Variants in ANKRD17 observed in about 807,000 individuals in gnomAD.
ANKRD17 encodes ankyrin repeat domain 17.
Under a neutral mutation model 229.7 loss-of-function variants are expected in ANKRD17, and 19 were observed. The observed-to-expected ratio is 0.08, with a 90% CI of 0.06 to 0.12. The LOEUF is 0.12. Ranked by LOEUF, ANKRD17 falls within the 10% of genes least tolerant of loss-of-function variation. ANKRD17 has a pLI of 1.00. For missense variants in ANKRD17, 2,176 were observed against 3,176.8 expected (o/e 0.68, Z 7.57); for synonymous variants, 1,112 against 1,146.1 (o/e 0.97, Z 0.60).
Position 73,091,254 on chromosome 4 carries a change from T to G in ANKRD17, c.6374A>C (p.Gln2125Pro). The change falls in exon 29 of 34, where the codon CAG (glutamine) becomes CCG (proline). Residue 2125 changes from glutamine to proline, a missense_variant. Physicochemically the swap from Gln to Pro is moderately conservative, Grantham distance 76. Transcript: ENST00000358602. ...AACTTCCGGGGGAGGAACCTGAGACTGCTGAAGAGGTGGTCTTGGTTCCTG... is the reference window on the plus strand; with the variant it reads ...AACTTCCGGGGGAGGAACCTGAGACGGCTGAAGAGGTGGTCTTGGTTCCTG... ...VSQEPRPPLQ[Q>P]SQVPPPEVRM... is the part of the protein sequence containing the mutation. The G allele has an allele frequency of 6.2e-7, 1 of 1,614,250 alleles. No individual in the cohort carries two copies. The highest frequency in any genetic ancestry group is 8.5e-7 in the Non-Finnish European group (1 of 1,180,036).
intron 1 of ANKRD17, among the ~76,000 whole-genome samples, chr4:73,218,193 A>G (rs147105104): frequency 6.6e-6 from 1 of 152,366 alleles, no homozygotes; most frequent in Non-Finnish European, 1.5e-5. Flanking sequence ...AAAGAAAAAT[A>G]TCTGCTTACT....
At chr4:73,257,895 A>G (rs1399918879) in intron 1 of ANKRD17, among the ~76,000 whole-genome samples, 1 of 148,536 alleles carries the variant, frequency 6.7e-6, no homozygotes, top group East Asian at 2.0e-4. Context: ...CCATTATTTT[A>G]CTCCTCCCGC....
rs566076211 is a variant in ANKRD17, at chr4:73,236,902, G to GC, written c.393+21373dup. On this transcript the variant is annotated intron_variant, in intron 1 of 33. Transcript: ENST00000358602. ...CACAGTGTTAAAGCAGGATTCAAAAGCAAGTGGCTCAACTTGATTTCAAAC... is the reference window on the plus strand; with the variant it reads ...CACAGTGTTAAAGCAGGATTCAAAAGCCAAGTGGCTCAACTTGATTTCAAAC... 3.5e-4 allele frequency among the ~76,000 whole-genome samples: 53 copies of GC among 152,282 alleles called. 2 individuals are homozygous for GC. In the South Asian group the frequency reaches 0.011, roughly 31 times the overall value.
chr4:73,180,070 AAT>A (rs1419537907), intron 1 of ANKRD17, among the ~76,000 whole-genome samples: 1 of 152,156 alleles, frequency 6.6e-6, no homozygotes, highest in African/African-American at 2.4e-5. Context: ...AGGTAAAATG[AAT>A]AGATGAAATA....
In ANKRD17 at chr4:73,258,272, T is replaced by G; in HGVS notation, c.393+4A>C. Reference sequence around the variant, plus strand: ...CCCTCCTTCCTTTGAAACCAGGCCCTTGCCTCAGAAACCTCCTCTTCCTCG... The same window carrying G: ...CCCTCCTTCCTTTGAAACCAGGCCCGTGCCTCAGAAACCTCCTCTTCCTCG... On this transcript the variant is annotated splice_donor_region_variant and intron_variant, in intron 1 of 33. Transcript: ENST00000358602. 6.2e-7 allele frequency: 1 copy of G among 1,613,696 alleles called. No individual in the cohort carries two copies. The highest frequency in any genetic ancestry group is 1.3e-5 in the African/African-American group (1 of 75,042).
At chr4:73,173,516 T>G (rs1347601159) in intron 2 of ANKRD17, among the ~76,000 whole-genome samples, 1 of 152,086 alleles carries the variant, frequency 6.6e-6, no homozygotes, top group Non-Finnish European at 1.5e-5. Flanking sequence ...CACCACAAAC[T>G]CCGGCTCTAA....
chr4:73,231,200 AG>A (rs1743009135), intron 1 of ANKRD17, among the ~76,000 whole-genome samples: 1 of 152,302 alleles, frequency 6.6e-6, no homozygotes, highest in South Asian at 2.1e-4. Context: ...TTAAATTACA[AG>A]AAAAAGCTTA....
intron 1 of ANKRD17, among the ~76,000 whole-genome samples, chr4:73,210,108 T>C (rs569984386): frequency 6.6e-6 from 1 of 152,026 alleles, no homozygotes; most frequent in South Asian, 2.1e-4. Flanking sequence ...AGGTAGAATA[T>C]TGAAAATAAG....
At chr4:73,208,294 T>TA (rs1739787531) in intron 1 of ANKRD17, among the ~76,000 whole-genome samples, 1 of 149,688 alleles carries the variant, frequency 6.7e-6, no homozygotes, top group Non-Finnish European at 1.5e-5. Flanking sequence ...CTAATGCCCA[T>TA]AAAAAACTCA....
rs375570690 is a variant in ANKRD17, at chr4:73,155,794, T to G, written c.853-16A>C. 6.2e-7 allele frequency: 1 copy of G among 1,611,490 alleles called. No individual in the cohort carries two copies. Among genetic ancestry groups the G allele is most frequent in the Admixed American group, 1.7e-5 (1 of 59,724 alleles). On this transcript the variant is annotated splice_polypyrimidine_tract_variant and intron_variant, in intron 4 of 33. Transcript: ENST00000358602. The stretch of plus-strand genomic sequence containing the variant: ...CCAACAAAACCTTATGAGAGAAAAA[T>G]AGTTTAAAAAGATATTAGGAAATAA...
rs374701183 is a variant in ANKRD17, at chr4:73,156,173, C to A, written c.705-7G>T. 4.4e-5 allele frequency: 70 copies of A among 1,584,398 alleles called. No homozygotes were observed. In the South Asian group the frequency reaches 7.4e-4, roughly 17 times the overall value. ...GGCTTCTGCCAAACTGCGGCTATTA[C>A]GGAAAGAATATCACAATACCAGAAT... On this transcript the variant is annotated splice_polypyrimidine_tract_variant and splice_region_variant and intron_variant, in intron 3 of 33. Coordinates refer to ENST00000358602, the MANE Select transcript of ANKRD17 (RefSeq NM_032217.5).
intron 21 of ANKRD17, 112 bp from the exon 22 acceptor site, chr4:73,118,962 CTGCAGCCT>C: frequency 9.0e-7 from 1 of 1,112,908 alleles, no homozygotes; most frequent in Non-Finnish European, 1.3e-6. Flanking sequence ...TCATGGCTCA[CTGCAGCCT>C]CCACCTCCAG....
At chr4:73,135,027 T>C (rs890630975) in intron 16 of ANKRD17, 90 bp downstream of exon 16, 1 of 1,322,764 alleles carries the variant, frequency 7.6e-7, no homozygotes, top group African/African-American at 1.5e-5. Context: ...GACAAAGCAG[T>C]CTTTCATGGT....
chr4:73,179,518 A>ATATTTTTT (rs1192164276), intron 1 of ANKRD17, among the ~76,000 whole-genome samples: 11 of 40,786 alleles, frequency 2.7e-4, no homozygotes, highest in African/African-American at 3.7e-4. Context: ...ATATATATAT[A>ATATTTTTT]TTTTTTTTTT....
rs1723525617 is a variant in ANKRD17 at position 73,098,099 on chromosome 4, T to C, written c.4995A>G (p.Lys1665=). Reference sequence around the variant, plus strand: ...TTATTGAAGCCTTGCCAGAAACAGATTTTCTCTCTTCCTTTGGAAATGTAA... The same window carrying C: ...TTATTGAAGCCTTGCCAGAAACAGACTTTCTCTCTTCCTTTGGAAATGTAA... ...VLVTFPKEER[K]SVSGKASIKL... is the part of the protein sequence containing the mutation. The change falls in exon 26 of 34, where the codon AAA becomes AAG. Residue 1665 remains lysine, a synonymous_variant. Coordinates refer to ENST00000358602, the MANE Select transcript of ANKRD17 (RefSeq NM_032217.5). 1 of 1,603,344 alleles carries C rather than the reference T, an allele frequency of 6.2e-7. No homozygotes were observed. The highest frequency in any genetic ancestry group is 8.5e-7 in the Non-Finnish European group (1 of 1,173,176).
chr4:73,145,130 T>C (rs927738872), intron 10 of ANKRD17, among the ~76,000 whole-genome samples: 1 of 152,110 alleles, frequency 6.6e-6, no homozygotes, highest in African/African-American at 2.4e-5. Flanking sequence ...TCTGAGTAAT[T>C]TGTCCTTCTC....
intron 1 of ANKRD17, among the ~76,000 whole-genome samples, chr4:73,179,328 TAATTA>T (rs1472160324): frequency 1.3e-5 from 2 of 150,516 alleles, no homozygotes. Context: ...ACATTAACTT[TAATTA>T]ATCTATAACT....
At position 73,164,795 on chromosome 4, in the gene ANKRD17, G is replaced by GA. The variant is rs775487196; in HGVS notation, c.548-3448dup. ...CGACAAAATGAGACTCTCTCCAAAGGAAAAAAAAAAAAAGAACAAAATGAC... is the reference window on the plus strand; with the variant it reads ...CGACAAAATGAGACTCTCTCCAAAGGAAAAAAAAAAAAAAGAACAAAATGAC... On this transcript the variant is annotated intron_variant, in intron 2 of 33. Transcript: ENST00000358602. 1.1e-3 allele frequency among the ~76,000 whole-genome samples: 126 copies of GA among 113,684 alleles called. 1 individual carries two copies. The highest frequency in any genetic ancestry group is 4.6e-3 in the Middle Eastern group (1 of 216). 74.6% of individuals were successfully genotyped at this position (113,684 alleles called of 152,430 possible). A position where few individuals can be genotyped will look rare whatever the true frequency, so the allele number is the denominator to read the frequency against.
intron 20 of ANKRD17, 100 bp downstream of exon 20, chr4:73,120,781 T>C (rs1157018690): frequency 1.0e-6 from 1 of 974,200 alleles, no homozygotes. Context: ...AGGAGATAAA[T>C]GTTACTAGAA....
Sources: allele counts gnomAD v4.1 joint callset (sites outside exome capture counted in the v4.1 genomes callset), GRCh38; gene constraint gnomAD v4.1.1; transcripts MANE v1.5; gene names NCBI Gene and HGNC (gene_info 2026-07-23, HGNC 2026-07-21).